The following TYW1B variants were observed in gnomAD, a reference collection of about 807,000 sequenced individuals.
TYW1B encodes S-adenosyl-L-methionine-dependent tRNA 4-demethylwyosine synthase TYW1B.
A neutral mutation model predicts 86.9 loss-of-function variants in TYW1B; 73 were observed. The ratio of observed to expected loss-of-function variants is 0.84; its 90% CI spans 0.70 to 1.02. The LOEUF (loss-of-function observed/expected upper bound fraction) is 1.02, where lower values mean the gene tolerates loss of function less well. Ranked by LOEUF, TYW1B falls within the 50% of genes least tolerant of loss-of-function variation. TYW1B has a pLI of 0.00. For missense variants in TYW1B, 637 were observed against 827.4 expected, an observed-to-expected ratio of 0.77 and a Z score of 2.82; for synonymous variants, 248 against 292.8, an observed-to-expected ratio of 0.85 and a Z score of 1.56.
At chr7:72,663,621 G>A (rs559337842) in intron 11 of TYW1B, among the ~76,000 whole-genome samples, 101 of 151,584 alleles carry the variant, frequency 6.7e-4, no homozygotes, top group African/African-American at 2.3e-3. Flanking sequence ...AAAATTAGCC[G>A]GGCGTGGTGG....
rs118004747 is a variant in TYW1B at position 72,702,707 on chromosome 7, T to G, written c.1371-7885A>C. Reference sequence around the variant, plus strand: ...CAGCCGAGATACTGGTTTTCAAGGCTAGGGAAAGTGAGAATGGAATATAAC... The same window carrying G: ...CAGCCGAGATACTGGTTTTCAAGGCGAGGGAAAGTGAGAATGGAATATAAC... On this transcript the variant is annotated intron_variant, in intron 10 of 13. Transcript: ENST00000620995. 8.9e-4 allele frequency among the ~76,000 whole-genome samples: 135 copies of G among 151,982 alleles called. 4 individuals are homozygous for G. In the East Asian group the frequency reaches 0.025, roughly 28 times the overall value.
At chr7:72,706,499 A>T (rs565896757) in intron 10 of TYW1B, among the ~76,000 whole-genome samples, 7 of 151,376 alleles carry the variant, frequency 4.6e-5, no homozygotes, top group South Asian at 2.1e-4. Flanking sequence ...ACCAAAATGG[A>T]GACTGCATAT....
At chr7:72,681,111 A>C (rs182798076) in intron 11 of TYW1B, among the ~76,000 whole-genome samples, 136 of 152,262 alleles carry the variant, frequency 8.9e-4, no homozygotes, top group African/African-American at 3.1e-3. Context: ...TACACACACA[A>C]TAGGTGGCAG....
intron 2 of TYW1B, among the ~76,000 whole-genome samples, chr7:72,818,078 A>T (rs1410845007): frequency 7.2e-6 from 1 of 138,766 alleles, no homozygotes; most frequent in East Asian, 2.0e-4. Context: ...CTGGCTGTTA[A>T]AAAAAAAAAA....
At chr7:72,811,843 C>T (rs1309280583) in intron 3 of TYW1B, among the ~76,000 whole-genome samples, 1 of 148,946 alleles carries the variant, frequency 6.7e-6, no homozygotes, top group African/African-American at 2.5e-5. Flanking sequence ...GCCCAGGAGG[C>T]AGAGGCTGCA....
intron 8 of TYW1B, among the ~76,000 whole-genome samples, chr7:72,734,257 C>CAAAAAAAAAAAAA (rs111714599): frequency 7.0e-4 from 25 of 35,826 alleles, no homozygotes; most frequent in Non-Finnish European, 1.7e-3. Flanking sequence ...AACTCCATCT[C>CAAAAAAAAAAAAA]AAAAAAAAAA....
intron 13 of TYW1B, among the ~76,000 whole-genome samples, chr7:72,605,573 C>T (rs1421675685): frequency 4.6e-5 from 7 of 151,986 alleles, no homozygotes; most frequent in Non-Finnish European, 7.4e-5. Flanking sequence ...AGGCTGGTCT[C>T]GAACTTCTGA....
chr7:72,772,953 T>C (rs1787893017), intron 7 of TYW1B, among the ~76,000 whole-genome samples: 1 of 152,210 alleles, frequency 6.6e-6, no homozygotes, highest in Non-Finnish European at 1.5e-5. Context: ...TGCATATAAA[T>C]AAACAAAGGA....
At chr7:72,651,333 A>G (rs1813049520) in intron 11 of TYW1B, among the ~76,000 whole-genome samples, 1 of 152,162 alleles carries the variant, frequency 6.6e-6, no homozygotes, top group South Asian at 2.1e-4. Context: ...AAAGAAATAG[A>G]GAGGCCGGGC....
At chr7:72,818,334 C>A (rs1269051304) in intron 2 of TYW1B, among the ~76,000 whole-genome samples, 1 of 151,900 alleles carries the variant, frequency 6.6e-6, no homozygotes, top group Non-Finnish European at 1.5e-5. Context: ...GTAATCCCAG[C>A]ACTTTGGGAG....
At chr7:72,713,520 G>A in intron 10 of TYW1B, 101 bp downstream of exon 10, 2 of 1,207,868 alleles carry the variant, frequency 1.7e-6, no homozygotes, top group Non-Finnish European at 2.3e-6. Flanking sequence ...TATGTAGTAA[G>A]TAATCAATAA....
intron 12 of TYW1B, among the ~76,000 whole-genome samples, chr7:72,625,514 C>T (rs537537484): frequency 1.4e-5 from 2 of 144,204 alleles, no homozygotes; most frequent in East Asian, 1.9e-4. Context: ...CATCAAGCTA[C>T]TTGGGAGGCT....
At chr7:72,624,803 A>G (rs1554438510) in intron 12 of TYW1B, among the ~76,000 whole-genome samples, 1 of 152,212 alleles carries the variant, frequency 6.6e-6, no homozygotes, top group Non-Finnish European at 1.5e-5. Flanking sequence ...CACGCCTGTA[A>G]TCCCAACACT....
chr7:72,780,933 G>A (rs1252198426), intron 6 of TYW1B, among the ~76,000 whole-genome samples: 1 of 151,778 alleles, frequency 6.6e-6, no homozygotes, highest in Non-Finnish European at 1.5e-5. Context: ...AACCATGTAA[G>A]ATCCATATAT....
intron 7 of TYW1B, among the ~76,000 whole-genome samples, chr7:72,759,692 T>C (rs782705421): frequency 5.3e-5 from 8 of 152,156 alleles, no homozygotes; most frequent in Non-Finnish European, 8.8e-5. Context: ...GGTGTTGAGA[T>C]GAAACTCACT....
chr7:72,632,403 A>G (rs1812543192), intron 11 of TYW1B, among the ~76,000 whole-genome samples: 3 of 106,324 alleles, frequency 2.8e-5, no homozygotes, highest in Admixed American at 2.3e-4. Flanking sequence ...TATATATAAT[A>G]TATATATACA....
intron 9 of TYW1B, among the ~76,000 whole-genome samples, chr7:72,722,077 A>G (rs879992768): frequency 2.0e-5 from 3 of 152,202 alleles, no homozygotes; most frequent in Non-Finnish European, 2.9e-5. Flanking sequence ...TGTCCTGACT[A>G]AAAGTCATAA....
At chr7:72,621,950 C>T (rs1310694213) in intron 12 of TYW1B, among the ~76,000 whole-genome samples, 5 of 152,220 alleles carry the variant, frequency 3.3e-5, no homozygotes, top group African/African-American at 1.2e-4. Flanking sequence ...TTGCAGGGTG[C>T]ATTCTGCAAG....
rs570932392 is a variant in TYW1B at position 72,727,861 on chromosome 7, C to T, written c.1192+961G>A. On this transcript the variant is annotated intron_variant, in intron 9 of 13. Transcript: ENST00000620995. ...AGAAAGACAAAAAAGCATACTCTTG[C>T]GCTTACTGACCCAATCTCTGGGAAA... 3.4e-5 allele frequency among the ~76,000 whole-genome samples: 5 copies of T among 149,176 alleles called. No homozygotes were observed. The South Asian group carries it at 6.4e-4, about 19-fold the overall frequency.
Sources: gnomAD v4.1 joint callset for allele counts (sites outside exome capture counted in the v4.1 genomes callset) on GRCh38, gnomAD v4.1.1 for gene constraint, MANE v1.5 for transcripts, NCBI Gene and HGNC (gene_info 2026-07-23, HGNC 2026-07-21) for gene names.